The following ABLIM1 variants were observed in gnomAD, a reference collection of about 807,000 sequenced individuals.
ABLIM1 encodes actin-binding LIM protein 1.
ABLIM1 carries 40 observed loss-of-function variants against 107.0 expected under a neutral mutation model. That is an observed-to-expected ratio of 0.37 (90% confidence interval 0.29 to 0.49). The LOEUF (loss-of-function observed/expected upper bound fraction) is 0.49, where lower values mean the gene tolerates loss of function less well. Ranked by LOEUF, ABLIM1 falls within the 20% of genes least tolerant of loss-of-function variation. The pLI is 0.97. For missense variants in ABLIM1, 857 were observed against 1,008.5 expected, an observed-to-expected ratio of 0.85 and a Z score of 2.04; for synonymous variants, 357 against 357.3, an observed-to-expected ratio of 1.00 and a Z score of 0.01.
chr10:114,566,087 G>A (rs1335363503), intron 4 of ABLIM1, among the ~76,000 whole-genome samples: 6 of 152,106 alleles, frequency 3.9e-5, no homozygotes, highest in African/African-American at 4.8e-5. Context: ...GAGCCACCGC[G>A]CCCGGTCGAA....
chr10:114,628,780 T>C (rs2077982193), intron 1 of ABLIM1, among the ~76,000 whole-genome samples: 1 of 152,258 alleles, frequency 6.6e-6, no homozygotes, highest in Non-Finnish European at 1.5e-5. Context: ...TCTCTAATAT[T>C]TGCTTATTTT....
chr10:114,787,510 C>T, the ABLIM1 span, among the ~76,000 whole-genome samples: 24 of 145,028 alleles, frequency 1.7e-4, no homozygotes, highest in African/African-American at 5.4e-4. Flanking sequence ...CCCGGCCAGC[C>T]GCCCTGTCCG....
At position 114,619,055 on chromosome 10, in the gene ABLIM1, T is replaced by C. The variant is rs529418792; in HGVS notation, c.245-17094A>G. Among the ~76,000 whole-genome samples, 8 of 152,150 alleles carry C rather than the reference T, an allele frequency of 5.3e-5. No homozygotes were observed. Among genetic ancestry groups the C allele is most frequent in the Non-Finnish European group, 1.0e-4 (7 of 68,008 alleles). On this transcript the variant is annotated intron_variant, in intron 1 of 22. Coordinates refer to ENST00000533213, the MANE Select transcript of ABLIM1 (RefSeq NM_002313.7). This position sits in a 1 kb window ranked among gnomAD's most constrained non-coding sequence, Gnocchi z 4.1. ...GATAGGGGTGATGACAGACATGCCC[T>C]GCACCCAAGGAATGGTTAAACCTTT...
intron 12 of ABLIM1, among the ~76,000 whole-genome samples, chr10:114,462,610 T>A (rs548014771): frequency 3.9e-5 from 6 of 152,198 alleles, no homozygotes; most frequent in African/African-American, 1.4e-4. Flanking sequence ...AATATGGTCA[T>A]GGTTTATCAC....
chr10:114,580,109 A>C (rs898822819), intron 2 of ABLIM1, among the ~76,000 whole-genome samples: 2 of 151,646 alleles, frequency 1.3e-5, no homozygotes, highest in African/African-American at 2.4e-5. Context: ...TTGAACCATG[A>C]ATCAGTTTTA....
chr10:114,598,679 A>T (rs1374347455), intron 2 of ABLIM1, among the ~76,000 whole-genome samples: 2 of 152,180 alleles, frequency 1.3e-5, no homozygotes, highest in South Asian at 4.1e-4. Flanking sequence ...GAAAAAAAAG[A>T]ATGTCAAGTA....
chr10:114,749,226 G>A (rs2142392966), intron 1 of ABLIM1, among the ~76,000 whole-genome samples: 1 of 152,082 alleles, frequency 6.6e-6, no homozygotes, highest in Middle Eastern at 3.4e-3. Context: ...AAAAGGAAGG[G>A]GTTTGCCTTC....
At chr10:114,508,994 C>G (rs751820954) in intron 6 of ABLIM1, among the ~76,000 whole-genome samples, 1 of 152,212 alleles carries the variant, frequency 6.6e-6, no homozygotes, top group African/African-American at 2.4e-5. Context: ...ATAGGAACAT[C>G]AAGTTACCAT....
At chr10:114,573,964 G>T (rs1591319842) in intron 3 of ABLIM1, among the ~76,000 whole-genome samples, 2 of 152,060 alleles carry the variant, frequency 1.3e-5, no homozygotes, top group Non-Finnish European at 2.9e-5. Flanking sequence ...CATTCATCCA[G>T]AATTATTAAA....
At position 114,437,900 on chromosome 10, in the gene ABLIM1, C is replaced by T; in HGVS notation, c.2167G>A (p.Val723Met). Residue 723 changes from valine (V) to methionine (M), a missense_variant, in exon 22 of 23, where the codon GTG (valine) becomes ATG (methionine). Transcript: ENST00000533213. ...ATTTTGTTTCGCCCTCTGTTGGTCA[C>T]CATGAGCATTTCATATGGAAATATC... ...PKIFPYEMLMVTNRGRNKILR... is the reference protein window; with the variant it reads ...PKIFPYEMLMMTNRGRNKILR... 6.2e-7 allele frequency: 1 copy of T among 1,613,994 alleles called. No homozygotes were observed. Among genetic ancestry groups the T allele is most frequent in the Non-Finnish European group, 8.5e-7 (1 of 1,179,972 alleles).
rs191140906 is a variant in ABLIM1 at position 114,703,818 on chromosome 10, G to A, written c.-213+64243C>T. 7.5e-4 allele frequency among the ~76,000 whole-genome samples: 115 copies of A among 152,338 alleles called. No individual in the cohort carries two copies. In the Middle Eastern group the frequency reaches 0.01, roughly 14 times the overall value. On this transcript the variant is annotated intron_variant, in intron 1 of 15. Coordinates refer to the ABLIM1 transcript ENST00000651092. ...AGAGCCCAGAAGGGTCGCAGATAGA[G>A]GCTGGGGGCACAGAACACTACCACC... is the stretch of plus-strand genomic sequence containing the variant.
rs536918353 is a variant in ABLIM1 at position 114,739,117 on chromosome 10, C to T, written c.-213+28944G>A. 9.8e-5 allele frequency among the ~76,000 whole-genome samples: 15 copies of T among 152,292 alleles called. No individual in the cohort carries two copies. The East Asian group carries it at 2.9e-3, about 29-fold the overall frequency. ...AAAGAAAATCCATTGGATTTTAATG[C>T]TTTGAACAGTCTCTTTTAAAAACTA... is the stretch of plus-strand genomic sequence containing the variant. On this transcript the variant is annotated intron_variant, in intron 1 of 15. Transcript: ENST00000651092.
chr10:114,436,385 A>T lies in ABLIM1; in HGVS notation c.2224-12T>A, dbSNP rs368674967. 25 of 626,314 alleles carry T rather than the reference A, an allele frequency of 4.0e-5. No homozygotes were observed. The highest frequency in any genetic ancestry group is 5.3e-5 in the Non-Finnish European group (24 of 454,200). The allele number at this position is 626,314 out of a possible 1,614,324, so 38.8% of individuals were successfully genotyped here. ...GGGGCTAAGTGGCGCTGGGAAGAAG[A>T]AAAAAAAAAAAGAGCTGCTGTCAGT... On this transcript the variant is annotated splice_polypyrimidine_tract_variant and intron_variant, in intron 22 of 22. Coordinates refer to ENST00000533213, the MANE Select transcript of ABLIM1 (RefSeq NM_002313.7).
the ABLIM1 span, among the ~76,000 whole-genome samples, chr10:114,797,778 T>C: frequency 2.0e-5 from 3 of 152,206 alleles, no homozygotes; most frequent in Non-Finnish European, 4.4e-5. Context: ...GATTAGCTCA[T>C]TACATGTTGA....
At chr10:114,549,434 A>C (rs970634269) in intron 4 of ABLIM1, among the ~76,000 whole-genome samples, 7 of 152,232 alleles carry the variant, frequency 4.6e-5, no homozygotes, top group African/African-American at 1.7e-4. Context: ...CATAAGCCCA[A>C]ATGCTGTGAA....
At chr10:114,740,819 G>A (rs978996708) in intron 1 of ABLIM1, among the ~76,000 whole-genome samples, 1 of 152,004 alleles carries the variant, frequency 6.6e-6, no homozygotes, top group Non-Finnish European at 1.5e-5. Flanking sequence ...TGAGGCAGGA[G>A]GATCACTTGA....
chr10:114,607,630 T>C (rs1566084566), intron 1 of ABLIM1, among the ~76,000 whole-genome samples: 2 of 152,232 alleles, frequency 1.3e-5, no homozygotes, highest in East Asian at 1.9e-4. Flanking sequence ...ACTTTGCCTC[T>C]GTGGTCTTCC....
chr10:114,762,852 C>T (rs1566315355), intron 1 of ABLIM1, among the ~76,000 whole-genome samples: 1 of 152,232 alleles, frequency 6.6e-6, no homozygotes, highest in Non-Finnish European at 1.5e-5. Context: ...GTCTCACTCA[C>T]TCTTTCCAAT....
chr10:114,782,930 A>C, the ABLIM1 span, among the ~76,000 whole-genome samples: 1 of 152,118 alleles, frequency 6.6e-6, no homozygotes, highest in South Asian at 2.1e-4. Flanking sequence ...TTCAGTGATC[A>C]AGTATATTGC....
Sources: allele counts gnomAD v4.1 joint callset (sites outside exome capture counted in the v4.1 genomes callset), GRCh38; gene constraint gnomAD v4.1.1; non-coding constraint Gnocchi (gnomAD v3.1); transcripts MANE v1.5; gene names NCBI Gene and HGNC (gene_info 2026-07-23, HGNC 2026-07-21).